SIMC1: variants seen among roughly 807,000 people sequenced by gnomAD.
SIMC1 encodes SUMO interacting motifs containing 1.
A neutral mutation model predicts 82.3 loss-of-function variants in SIMC1; 55 were observed. The observed-to-expected ratio is 0.67, with a 90% CI of 0.54 to 0.84. The LOEUF is 0.84. Ranked by LOEUF, SIMC1 falls within the 40% of genes least tolerant of loss-of-function variation. SIMC1 has a pLI of 0.00. For missense variants in SIMC1, 915 were observed against 1,107.2 expected (o/e 0.83, Z 2.46); for synonymous variants, 353 against 426.3 (o/e 0.83, Z 2.12).
intron 1 of SIMC1, among the ~76,000 whole-genome samples, chr5:176,265,079 C>T (rs1286729208): frequency 3.3e-5 from 5 of 152,088 alleles, no homozygotes; most frequent in African/African-American, 1.2e-4. Flanking sequence ...TCCCTATTTC[C>T]AGATGACATG....
At position 176,252,200 on chromosome 5, in the gene SIMC1, C is replaced by T. The variant is rs1335998643; in HGVS notation, c.129+13563C>T. ...TCACCTCCCGGACGGGGCGGCTGGC[C>T]GGGCGGGGGGCTGACCGCCCCCCCC... On this transcript the variant is annotated intron_variant, in intron 1 of 9. Transcript: ENST00000429602. Among the ~76,000 whole-genome samples, 754 of 120,448 alleles carry T rather than the reference C, an allele frequency of 6.3e-3. 11 individuals are homozygous for T. The highest frequency in any genetic ancestry group is 0.022 in the African/African-American group (709 of 31,666). 79.0% of individuals were successfully genotyped at this position (120,448 alleles called of 152,430 possible).
intron 1 of SIMC1, among the ~76,000 whole-genome samples, chr5:176,272,195 AAAAG>A (rs1201296082): frequency 2.1e-5 from 3 of 144,454 alleles, no homozygotes; most frequent in Non-Finnish European, 3.0e-5. Flanking sequence ...AAAAAAAAAA[AAAAG>A]GTGGGCATGG....
At position 176,313,829 on chromosome 5, in the gene SIMC1, C is replaced by T; in HGVS notation, c.1873C>T (p.Gln625Ter). The part of the protein sequence containing the change: ...IANMVLSCDK[Q>*]PHNVRDVIKW... ...AAACATGGTGCTTTCCTGTGACAAG[C>T]AGCCCCACAATGTCAGGTAAGCAGC... The change falls in exon 5 of 10, where the codon CAG becomes TAG. Residue 625 changes from glutamine to a stop codon, truncating the protein, a stop_gained. Transcript: ENST00000429602. LOFTEE classifies it high-confidence loss of function. The T allele has an allele frequency of 6.2e-7, 1 of 1,613,606 alleles. No individual in the cohort carries two copies. The highest frequency in any genetic ancestry group is 1.1e-5 in the South Asian group (1 of 91,058).
intron 2 of SIMC1, among the ~76,000 whole-genome samples, chr5:176,292,398 C>G (rs1376899571): frequency 2.0e-5 from 3 of 152,218 alleles, no homozygotes; most frequent in Non-Finnish European, 4.4e-5. Context: ...TCTCCTCATT[C>G]AAGCAGTGAT....
intron 1 of SIMC1, among the ~76,000 whole-genome samples, chr5:176,251,668 A>C (rs1223709177): frequency 6.6e-6 from 1 of 151,488 alleles, no homozygotes; most frequent in Non-Finnish European, 1.5e-5. Context: ...AGTGGAGGGA[A>C]GGTCAGCAGA....
intron 2 of SIMC1, among the ~76,000 whole-genome samples, chr5:176,291,623 A>G (rs980533650): frequency 2.0e-5 from 3 of 151,430 alleles, no homozygotes; most frequent in Admixed American, 6.6e-5. Context: ...GGCGTGAGCC[A>G]CCGCGCCTGG....
chr5:176,252,216 CG>C (rs148712698), intron 1 of SIMC1, among the ~76,000 whole-genome samples: 81,428 of 143,862 alleles, frequency 0.57, 22,564 homozygotes, highest in Middle Eastern at 0.61. Context: ...GGGGGCTGAC[CG>C]CCCCCCCCAC....
At chr5:176,280,347 T>TA (rs1561689234) in intron 1 of SIMC1, among the ~76,000 whole-genome samples, 2 of 152,222 alleles carry the variant, frequency 1.3e-5, no homozygotes, top group South Asian at 2.1e-4. Flanking sequence ...CCTCCATCCT[T>TA]TTATTTTGAG....
intron 1 of SIMC1, among the ~76,000 whole-genome samples, chr5:176,266,769 A>G (rs1762227322): frequency 4.7e-5 from 2 of 42,594 alleles, no homozygotes; most frequent in Admixed American, 5.9e-4. Flanking sequence ...TATGACATCA[A>G]TGAGTGGGGT....
chr5:176,283,473 C>A (rs1159963282), intron 1 of SIMC1, among the ~76,000 whole-genome samples: 1 of 152,136 alleles, frequency 6.6e-6, no homozygotes, highest in South Asian at 2.1e-4. Context: ...GAAGCAAATG[C>A]TGAGAGATTT....
chr5:176,257,277 C>T (rs1303278999), intron 1 of SIMC1, among the ~76,000 whole-genome samples: 1 of 152,122 alleles, frequency 6.6e-6, no homozygotes, highest in African/African-American at 2.4e-5. Flanking sequence ...TGCAAAAAAT[C>T]AATTCAAAAT....
chr5:176,319,950 C>A (rs1000136070), intron 5 of SIMC1, among the ~76,000 whole-genome samples: 4 of 152,096 alleles, frequency 2.6e-5, no homozygotes, highest in Non-Finnish European at 5.9e-5. Context: ...GCTCTGAAGA[C>A]AATAAGAGGA....
chr5:176,307,228 A>G (rs1200710841), intron 4 of SIMC1, among the ~76,000 whole-genome samples: 1 of 152,206 alleles, frequency 6.6e-6, no homozygotes, highest in African/African-American at 2.4e-5. Context: ...TGCAACTGCT[A>G]TGGAAAACAG....
At chr5:176,344,663 AGAGT>A (rs1355378534) in intron 9 of SIMC1, among the ~76,000 whole-genome samples, 1 of 152,194 alleles carries the variant, frequency 6.6e-6, no homozygotes, top group Non-Finnish European at 1.5e-5. Flanking sequence ...AGCAGAATAA[AGAGT>A]GAGGAGGTGC....
chr5:176,262,900 C>T (rs1304564129), intron 1 of SIMC1, among the ~76,000 whole-genome samples: 47 of 151,374 alleles, frequency 3.1e-4, no homozygotes, highest in Admixed American at 3.1e-3. Flanking sequence ...CTCAAAGAAT[C>T]TAGAAAAAAA....
intron 1 of SIMC1, among the ~76,000 whole-genome samples, chr5:176,257,780 A>G (rs1761895246): frequency 6.6e-6 from 1 of 152,184 alleles, no homozygotes; most frequent in African/African-American, 2.4e-5. Flanking sequence ...AATTTTGTCG[A>G]AGACTGCATT....
chr5:176,250,224 C>T (rs557180214), intron 1 of SIMC1, among the ~76,000 whole-genome samples: 1 of 152,004 alleles, frequency 6.6e-6, no homozygotes, highest in African/African-American at 2.4e-5. Context: ...CGTTATTTAC[C>T]CAGTAGTTAT....
intron 9 of SIMC1, among the ~76,000 whole-genome samples, chr5:176,340,882 C>T (rs982635284): frequency 5.3e-5 from 8 of 152,210 alleles, no homozygotes; most frequent in African/African-American, 1.9e-4. Flanking sequence ...CGCAAGGGCT[C>T]ACCCCTGTAA....
intron 1 of SIMC1, among the ~76,000 whole-genome samples, chr5:176,250,578 A>G (rs1328469647): frequency 7.9e-5 from 12 of 152,272 alleles, no homozygotes; most frequent in Non-Finnish European, 1.0e-4. Context: ...ATCTCCCACT[A>G]TTATTGTGTG....
Sources: allele counts gnomAD v4.1 joint callset (sites outside exome capture counted in the v4.1 genomes callset), GRCh38; gene constraint gnomAD v4.1.1; transcripts MANE v1.5; gene names NCBI Gene and HGNC (gene_info 2026-07-23, HGNC 2026-07-21).